DLC1: variants seen among roughly 807,000 people sequenced by gnomAD.
The protein encoded by DLC1 is DLC1 Rho GTPase activating protein.
A neutral mutation model predicts 140.3 loss-of-function variants in DLC1; 54 were observed. That is an observed-to-expected ratio of 0.38 (90% confidence interval 0.31 to 0.48). The LOEUF is 0.48. Among genes scored for constraint, DLC1 ranks in the 20% least tolerant of loss-of-function variants. DLC1 has a pLI of 0.96. For synonymous variants in DLC1, 986 were observed against 728.1 expected, an observed-to-expected ratio of 1.35 and a Z score of -5.70; for missense variants, 2,536 against 1,907.0, an observed-to-expected ratio of 1.33 and a Z score of -6.14.
intron 5 of DLC1, among the ~76,000 whole-genome samples, chr8:13,126,980 C>T (rs1821635321): frequency 6.6e-6 from 1 of 152,182 alleles, no homozygotes; most frequent in Non-Finnish European, 1.5e-5. Context: ...TTATCAAAGA[C>T]CAATGACAAT....
intron 1 of DLC1, among the ~76,000 whole-genome samples, chr8:13,597,996 A>T (rs909504725): frequency 6.6e-6 from 1 of 152,146 alleles, no homozygotes; most frequent in African/African-American, 2.4e-5. Context: ...TAAAATCGGT[A>T]TCAAGAGTCT....
At chr8:13,300,563 G>C (rs1282424375) in intron 5 of DLC1, among the ~76,000 whole-genome samples, 1 of 152,174 alleles carries the variant, frequency 6.6e-6, no homozygotes, top group East Asian at 1.9e-4. Context: ...AAGACAGAAA[G>C]GAGGGAAGTC....
At chr8:13,318,892 A>T (rs188819902) in intron 4 of DLC1, among the ~76,000 whole-genome samples, 1 of 152,174 alleles carries the variant, frequency 6.6e-6, no homozygotes, top group Non-Finnish European at 1.5e-5. Context: ...TTATGACCAC[A>T]CTAGAAAGTG....
chr8:13,482,333 G>C (rs1268380136), intron 2 of DLC1, among the ~76,000 whole-genome samples: 5 of 89,164 alleles, frequency 5.6e-5, no homozygotes, highest in Non-Finnish European at 1.1e-4. Context: ...CTACAAGAAT[G>C]GGACAAGTCA....
chr8:13,418,622 G>A (rs1446336626), intron 2 of DLC1, among the ~76,000 whole-genome samples: 1 of 152,152 alleles, frequency 6.6e-6, no homozygotes, highest in East Asian at 1.9e-4. Context: ...CTGTAGGCTT[G>A]TATATAGTTT....
At chr8:13,584,625 T>C (rs73212157) in intron 1 of DLC1, 1 of 152,158 alleles carries the variant, frequency 6.6e-6, no homozygotes, top group Non-Finnish European at 1.5e-5. Context: ...GTAGAAGTCA[T>C]GCTTTATGGG....
intron 4 of DLC1, among the ~76,000 whole-genome samples, chr8:13,321,557 A>C (rs1046618285): frequency 6.7e-6 from 1 of 150,362 alleles, no homozygotes; most frequent in African/African-American, 2.5e-5. Flanking sequence ...AAAAAAAAAA[A>C]AAAAAAAAAG....
At chr8:13,393,104 G>C (rs289562) in intron 4 of DLC1, among the ~76,000 whole-genome samples, 126,974 of 152,094 alleles carry the variant, frequency 0.83, 53,245 homozygotes, top group East Asian at 0.97. Context: ...TCTATCATCT[G>C]TTTCTCCTTA....
intron 1 of DLC1, among the ~76,000 whole-genome samples, chr8:13,551,229 C>G (rs2117356001): frequency 6.6e-6 from 1 of 151,968 alleles, no homozygotes; most frequent in African/African-American, 2.4e-5. Context: ...TGTAGTCGGC[C>G]AAAACAAAGA....
At chr8:13,296,372 T>C (rs1445742091) in intron 5 of DLC1, among the ~76,000 whole-genome samples, 1 of 152,184 alleles carries the variant, frequency 6.6e-6, no homozygotes, top group Admixed American at 6.5e-5. Context: ...TTAATTTTTC[T>C]ACTGATAAGA....
rs574589501 is a variant in DLC1, at chr8:13,497,003, T to C, written c.1023+2046A>G. Among the ~76,000 whole-genome samples, 448 of 152,068 alleles carry C rather than the reference T, an allele frequency of 2.9e-3. 1 individual carries two copies. The highest frequency in any genetic ancestry group is 0.011 in the African/African-American group (441 of 41,492). On this transcript the variant is annotated intron_variant, in intron 2 of 17. Transcript: ENST00000276297. The stretch of plus-strand genomic sequence containing the variant: ...TTTTAGTAGAGACAGGGTTTCACCA[T>C]GTTAGCCGGGATGGTCTCGATCTCC...
At chr8:13,547,159 A>C (rs1266636821) in intron 1 of DLC1, among the ~76,000 whole-genome samples, 1 of 152,108 alleles carries the variant, frequency 6.6e-6, no homozygotes, top group Non-Finnish European at 1.5e-5. Context: ...AGAACAGTTT[A>C]ATTTATTGGG....
At chr8:13,370,192 A>G (rs1424402915) in intron 4 of DLC1, among the ~76,000 whole-genome samples, 1 of 152,072 alleles carries the variant, frequency 6.6e-6, no homozygotes, top group Non-Finnish European at 1.5e-5. Flanking sequence ...TTCCTAGAGC[A>G]TATCATTAGT....
intron 5 of DLC1, among the ~76,000 whole-genome samples, chr8:13,123,334 C>G (rs999992079): frequency 6.6e-6 from 1 of 151,720 alleles, no homozygotes; most frequent in Non-Finnish European, 1.5e-5. Context: ...CTGCACCCCC[C>G]GCCCCCGCAC....
At chr8:13,458,232 A>G (rs956092678) in intron 2 of DLC1, among the ~76,000 whole-genome samples, 1 of 152,212 alleles carries the variant, frequency 6.6e-6, no homozygotes, top group Non-Finnish European at 1.5e-5. Flanking sequence ...TGTTATGTTT[A>G]TTACCATTAG....
At chr8:13,339,639 C>G (rs1484664988) in intron 4 of DLC1, 1 of 152,128 alleles carries the variant, frequency 6.6e-6, no homozygotes, top group African/African-American at 2.4e-5. Context: ...AGAAAATTTG[C>G]TTAACAATCA....
At chr8:13,132,957 G>T in intron 5 of DLC1, 1 of 1,610,770 alleles carries the variant, frequency 6.2e-7, no homozygotes, top group Non-Finnish European at 8.5e-7. Context: ...TTAGGATCAT[G>T]GTGTCCGGCT....
rs56057254 is a variant in DLC1 at position 13,431,482 on chromosome 8, C to CAAAAAAAAAAAAAAAAAA, written c.1024-29881_1024-29864dup. Reference sequence around the variant, plus strand: ...TGGGCCACAGAGCGAGACTCCGTCTCAAAAAAAAAAAAAAAAAAAAAAAAA... The same window carrying CAAAAAAAAAAAAAAAAAA: ...TGGGCCACAGAGCGAGACTCCGTCTCAAAAAAAAAAAAAAAAAAAAAAAAAAAAAAAAAAAAAAAAAAA... On this transcript the variant is annotated intron_variant, in intron 2 of 17. Transcript: ENST00000276297. Among the ~76,000 whole-genome samples the CAAAAAAAAAAAAAAAAAA allele has an allele frequency of 9.9e-5, 4 of 40,604 alleles. 1 individual carries two copies. The highest frequency in any genetic ancestry group is 2.3e-4 in the African/African-American group (2 of 8,674). The allele number at this position is 40,604 out of a possible 152,430, so 26.6% of individuals were successfully genotyped here.
intron 4 of DLC1, among the ~76,000 whole-genome samples, chr8:13,308,344 A>C (rs1410438626): frequency 6.6e-6 from 1 of 152,198 alleles, no homozygotes; most frequent in African/African-American, 2.4e-5. Flanking sequence ...TAGAGAAAGG[A>C]TAGTCAAAGT....
Sources: gnomAD v4.1 joint callset for allele counts (sites outside exome capture counted in the v4.1 genomes callset) on GRCh38, gnomAD v4.1.1 for gene constraint, MANE v1.5 for transcripts, NCBI Gene and HGNC (gene_info 2026-07-23, HGNC 2026-07-21) for gene names.